The following MTHFD1L variants were observed in gnomAD, a reference collection of about 807,000 sequenced individuals.
The protein encoded by MTHFD1L is monofunctional C1-tetrahydrofolate synthase, mitochondrial.
Under a neutral mutation model 119.5 loss-of-function variants are expected in MTHFD1L, and 81 were observed. The ratio of observed to expected loss-of-function variants is 0.68; its 90% CI spans 0.57 to 0.82. The LOEUF (loss-of-function observed/expected upper bound fraction) is 0.82. Among genes scored for constraint, MTHFD1L ranks in the 40% least tolerant of loss-of-function variants. The pLI is 0.00. For synonymous variants in MTHFD1L, 430 were observed against 475.2 expected (o/e 0.90, Z 1.24); for missense variants, 1,125 against 1,253.4 (o/e 0.90, Z 1.55).
At chr6:151,088,148 G>A in intron 26 of MTHFD1L, 1 of 152,168 alleles carries the variant, frequency 6.6e-6, no homozygotes, top group Middle Eastern at 3.2e-3. Flanking sequence ...ATAAGGTCTT[G>A]CTAACATAAT....
At chr6:150,991,026 T>G (rs1778992911) in intron 20 of MTHFD1L, among the ~76,000 whole-genome samples, 1 of 152,118 alleles carries the variant, frequency 6.6e-6, no homozygotes, top group East Asian at 1.9e-4. Context: ...CTGGCTAATT[T>G]TTGTATTTTT....
At chr6:150,990,391 G>A (rs1778897177) in intron 20 of MTHFD1L, among the ~76,000 whole-genome samples, 1 of 152,166 alleles carries the variant, frequency 6.6e-6, no homozygotes, top group African/African-American at 2.4e-5. Context: ...ACCCTGGAGT[G>A]TCCTGAGATA....
chr6:151,098,283 G>C (rs368981682), intron 27 of MTHFD1L, among the ~76,000 whole-genome samples: 3 of 152,158 alleles, frequency 2.0e-5, no homozygotes, highest in African/African-American at 7.2e-5. Context: ...CAGCCCTTCT[G>C]TGAACATGAT....
intron 25 of MTHFD1L, among the ~76,000 whole-genome samples, chr6:151,035,071 A>G (rs919912532): frequency 6.8e-6 from 1 of 147,464 alleles, no homozygotes; most frequent in African/African-American, 2.5e-5. Context: ...TGTTCTTCTT[A>G]TGCAAGCGGT....
intron 9 of MTHFD1L, among the ~76,000 whole-genome samples, chr6:150,919,031 T>C (rs1308520440): frequency 1.3e-5 from 2 of 151,820 alleles, no homozygotes; most frequent in African/African-American, 2.4e-5. Context: ...ATTCTTGCAT[T>C]GCTATAAAGA....
intron 19 of MTHFD1L, among the ~76,000 whole-genome samples, chr6:150,965,673 A>G (rs544656849): frequency 1.7e-5 from 2 of 115,106 alleles, no homozygotes; most frequent in Admixed American, 1.6e-4. Flanking sequence ...AAAAAAAAAA[A>G]GAGAAAGTCA....
At position 150,918,672 on chromosome 6, in the gene MTHFD1L, T is replaced by G. The variant is rs754290881; in HGVS notation, c.984+4T>G. On this transcript the variant is annotated splice_donor_region_variant and intron_variant, in intron 9 of 27. Coordinates refer to ENST00000367321, the MANE Select transcript of MTHFD1L (RefSeq NM_015440.5). ...TGCTGCAGCTCTGCGAATTCAGGTT[T>G]GTTCAACATAGCTGTCTGAGAATCT... 10 of 1,610,878 alleles carry G rather than the reference T, an allele frequency of 6.2e-6. No individual in the cohort carries two copies. Among genetic ancestry groups the G allele is most frequent in the Non-Finnish European group, 8.5e-6 (10 of 1,177,054 alleles).
intron 19 of MTHFD1L, among the ~76,000 whole-genome samples, chr6:150,965,603 G>A (rs899630071): frequency 5.9e-5 from 9 of 151,506 alleles, no homozygotes; most frequent in Non-Finnish European, 1.2e-4. Context: ...AGAGGTTGCA[G>A]TGAGCTGAGA....
chr6:151,076,173 A>T (rs1227676272), intron 26 of MTHFD1L, among the ~76,000 whole-genome samples: 1 of 152,098 alleles, frequency 6.6e-6, no homozygotes, highest in Non-Finnish European at 1.5e-5. Context: ...CCTGGACAAC[A>T]TAGGGAGGAG....
intron 5 of MTHFD1L, 103 bp from the exon 6 acceptor site, chr6:150,885,531 A>G: frequency 1.2e-6 from 1 of 816,094 alleles, no homozygotes. Context: ...TGTCTATCAA[A>G]CATTGACTTG....
At chr6:151,095,338 C>A (rs1301563274) in intron 27 of MTHFD1L, among the ~76,000 whole-genome samples, 1 of 152,168 alleles carries the variant, frequency 6.6e-6, no homozygotes, top group African/African-American at 2.4e-5. Flanking sequence ...GTTGGCCTAG[C>A]AATTCTCTTT....
chr6:150,993,424 G>T, intron 20 of MTHFD1L, among the ~76,000 whole-genome samples: 1 of 151,870 alleles, frequency 6.6e-6, no homozygotes, highest in East Asian at 1.9e-4. Context: ...AGGCTCAAGC[G>T]ATTCTTGTGC....
At chr6:150,948,744 G>A (rs1794410345) in intron 15 of MTHFD1L, among the ~76,000 whole-genome samples, 1 of 150,902 alleles carries the variant, frequency 6.6e-6, no homozygotes, top group African/African-American at 2.4e-5. Context: ...AGGTTACAGC[G>A]ATTCTCCTGC....
At chr6:151,047,197 C>G (rs180984471) in intron 26 of MTHFD1L, among the ~76,000 whole-genome samples, 2 of 152,160 alleles carry the variant, frequency 1.3e-5, no homozygotes, top group African/African-American at 4.8e-5. Flanking sequence ...TTAAGTTATG[C>G]AGCCACACAG....
chr6:150,885,716 G>T lies in MTHFD1L; in HGVS notation c.625G>T (p.Glu209Ter). Residue 209 changes from glutamate to a stop codon, truncating the protein, a stop_gained, in exon 6 of 28, where the codon GAA (glutamate) becomes TAA (stop). Transcript: ENST00000367321. LOFTEE classifies it high-confidence loss of function. Reference sequence around the variant, plus strand: ...TTCACCTGTTGCCAAAGCTGTAATTGAACTTCTTGAAAAATCAGGTAGGAT... The same window carrying T: ...TTCACCTGTTGCCAAAGCTGTAATTTAACTTCTTGAAAAATCAGGTAGGAT... The part of the protein sequence containing the change: ...FVSPVAKAVI[E>*]LLEKSGVNLD... 1 of 1,613,182 alleles carries T rather than the reference G, an allele frequency of 6.2e-7. No individual in the cohort carries two copies. Among genetic ancestry groups the T allele is most frequent in the South Asian group, 1.1e-5 (1 of 90,976 alleles).
chr6:151,009,324 G>C (rs1484611839), intron 20 of MTHFD1L, among the ~76,000 whole-genome samples: 1 of 151,966 alleles, frequency 6.6e-6, no homozygotes, highest in African/African-American at 2.4e-5. Context: ...CACAAGGTCA[G>C]GAGTTTGAGA....
chr6:150,995,571 A>G (rs1779708511), intron 20 of MTHFD1L, among the ~76,000 whole-genome samples: 1 of 152,138 alleles, frequency 6.6e-6, no homozygotes, highest in Non-Finnish European at 1.5e-5. Flanking sequence ...TCCTTTGTCA[A>G]CGGTACAAAG....
In MTHFD1L at chr6:151,007,201, C is replaced by A. The variant is rs116655886; in HGVS notation, c.2126-2618C>A. Among the ~76,000 whole-genome samples, 400 of 151,990 alleles carry A rather than the reference C, an allele frequency of 2.6e-3. 2 individuals carry two copies. The highest frequency in any genetic ancestry group is 9.0e-3 in the African/African-American group (374 of 41,380). On this transcript the variant is annotated intron_variant, in intron 20 of 27. Transcript: ENST00000367321. The stretch of plus-strand genomic sequence containing the variant: ...GAAAAATCCTACTTGATTCTCAGAG[C>A]CTGACTCCATCACCCCCTCTCTCCA...
At position 150,946,441 on chromosome 6, in the gene MTHFD1L, C is replaced by T. The variant is rs192810519; in HGVS notation, c.1623+900C>T. Among the ~76,000 whole-genome samples, 266 of 152,268 alleles carry T rather than the reference C, an allele frequency of 1.7e-3. 1 individual carries two copies. The highest frequency in any genetic ancestry group is 6.1e-3 in the African/African-American group (255 of 41,548). On this transcript the variant is annotated intron_variant, in intron 15 of 27. Coordinates refer to ENST00000367321, the MANE Select transcript of MTHFD1L (RefSeq NM_015440.5). ...CTGGGATTACAGGTGTGAGCTACTG[C>T]GCCCAGCCTCATCTACGTTTTTGTT...
Sources: gnomAD v4.1 joint callset for allele counts (sites outside exome capture counted in the v4.1 genomes callset) on GRCh38, gnomAD v4.1.1 for gene constraint, MANE v1.5 for transcripts, NCBI Gene and HGNC (gene_info 2026-07-23, HGNC 2026-07-21) for gene names.